Variants in PACS1 observed in about 807,000 individuals in gnomAD.
PACS1 encodes the protein phosphofurin acidic cluster sorting protein 1, also known as PACS-1.
In PACS1, 24 loss-of-function variants were observed where a neutral mutation model predicts 115.0. The ratio of observed to expected loss-of-function variants is 0.21; its 90% CI spans 0.15 to 0.29. PACS1 has a LOEUF of 0.29. Ranked by LOEUF, PACS1 falls within the 10% of genes least tolerant of loss-of-function variation. The pLI is 1.00. For synonymous variants in PACS1, 453 were observed against 504.5 expected, an observed-to-expected ratio of 0.90 and a Z score of 1.37; for missense variants, 838 against 1,251.2, an observed-to-expected ratio of 0.67 and a Z score of 4.98.
At chr11:66,202,224 G>A (rs1337134228) in intron 2 of PACS1, among the ~76,000 whole-genome samples, 1 of 152,098 alleles carries the variant, frequency 6.6e-6, no homozygotes, top group Non-Finnish European at 1.5e-5. Context: ...AACAAAAAAT[G>A]AGCTAGATGC....
intron 1 of PACS1, among the ~76,000 whole-genome samples, chr11:66,081,679 C>T (rs1246954166): frequency 1.3e-5 from 2 of 152,156 alleles, no homozygotes; most frequent in East Asian, 1.9e-4. Context: ...GTACAGGCCC[C>T]GCCTGCAAAC....
At chr11:66,164,206 T>C (rs1231041543) in intron 1 of PACS1, among the ~76,000 whole-genome samples, 1 of 152,224 alleles carries the variant, frequency 6.6e-6, no homozygotes, top group Non-Finnish European at 1.5e-5. Flanking sequence ...TGGGTATTAC[T>C]GTGCAGCTTT....
At chr11:66,090,271 CTTTTTTTTTTT>C (rs930565654) in intron 1 of PACS1, among the ~76,000 whole-genome samples, 19 of 109,444 alleles carry the variant, frequency 1.7e-4, no homozygotes, top group Admixed American at 3.1e-4. Flanking sequence ...TCTTTCCTTT[CTTTTTTTTTTT>C]TTTTTTTTCA....
Position 66,190,284 on chromosome 11 carries a change from C to T in PACS1, c.357-3202C>T, listed in dbSNP as rs559415827. ...GATTTTGGCAAGCCTCAGATGAGGACGAACGTTGGGCATATTCAGTCTTTT... is the reference window on the plus strand; with the variant it reads ...GATTTTGGCAAGCCTCAGATGAGGATGAACGTTGGGCATATTCAGTCTTTT... On this transcript the variant is annotated intron_variant, in intron 1 of 23. Transcript: ENST00000320580. Among the ~76,000 whole-genome samples the T allele has an allele frequency of 1.8e-4, 28 of 152,204 alleles. No individual in the cohort carries two copies. The East Asian group carries it at 2.7e-3, about 15-fold the overall frequency.
Position 66,233,087 on chromosome 11 carries a change from TCTC to T in PACS1, c.1838+24_1838+26del, listed in dbSNP as rs1304540273. On this transcript the variant is annotated intron_variant, in intron 15 of 23. Coordinates refer to ENST00000320580, the MANE Select transcript of PACS1 (RefSeq NM_018026.4). This position sits in a 1 kb window ranked among gnomAD's most constrained non-coding sequence, Gnocchi z 4.5. ...CGCTAGTAAGGGCTCTGGCCTCCCTTCTCCTGCCCTTAGAGATTCCCTCTGACC... is the reference window on the plus strand; with the variant it reads ...CGCTAGTAAGGGCTCTGGCCTCCCTTCTGCCCTTAGAGATTCCCTCTGACC... The T allele has an allele frequency of 1.9e-6, 3 of 1,539,576 alleles. No homozygotes were observed. In the Admixed American group the frequency reaches 5.0e-5, roughly 26 times the overall value.
At chr11:66,213,850 G>T (rs534875675) in intron 4 of PACS1, among the ~76,000 whole-genome samples, 3 of 151,962 alleles carry the variant, frequency 2.0e-5, no homozygotes, top group Non-Finnish European at 4.4e-5. Context: ...TGGCTAACAC[G>T]GTGAAACCCC....
chr11:66,134,264 T>C (rs1306306762), intron 1 of PACS1, among the ~76,000 whole-genome samples: 1 of 118,654 alleles, frequency 8.4e-6, no homozygotes, highest in East Asian at 2.3e-4. Context: ...CTTTTTTTTT[T>C]TTTTTTTTTT....
chr11:66,216,479 C>T, intron 5 of PACS1, 41 bp from the exon 6 acceptor site: 2 of 1,559,542 alleles, frequency 1.3e-6, no homozygotes, highest in East Asian at 2.2e-5. Flanking sequence ...TAGGCCAGAT[C>T]TTCCCATTGC....
intron 10 of PACS1, among the ~76,000 whole-genome samples, chr11:66,226,465 A>G (rs945863289): frequency 1.3e-5 from 2 of 152,156 alleles, no homozygotes; most frequent in Non-Finnish European, 2.9e-5. Flanking sequence ...ACCAGCACCT[A>G]GTGAGTAGAG....
intron 2 of PACS1, among the ~76,000 whole-genome samples, chr11:66,202,180 A>C (rs1460781163): frequency 1.3e-5 from 2 of 152,230 alleles, no homozygotes; most frequent in Non-Finnish European, 2.9e-5. Flanking sequence ...CCAAGATTGA[A>C]CCATGAAGAA....
chr11:66,210,574 A>G (rs1855047101), intron 3 of PACS1, 123 bp downstream of exon 3: 3 of 756,230 alleles, frequency 4.0e-6, no homozygotes, highest in Non-Finnish European at 4.6e-6. Context: ...AGGAATGAAT[A>G]AAAGTCACCT....
At chr11:66,128,384 A>G (rs182736506) in intron 1 of PACS1, among the ~76,000 whole-genome samples, 72 of 152,356 alleles carry the variant, frequency 4.7e-4, no homozygotes, top group African/African-American at 1.5e-3. Context: ...AGAGACATAC[A>G]TATTGAAATA....
At chr11:66,232,810 C>T (rs571862622) in intron 14 of PACS1, 150 bp from the exon 15 acceptor site, 202 of 659,654 alleles carry the variant, frequency 3.1e-4, no homozygotes, top group Middle Eastern at 2.5e-3. Context: ...ACTGGCAGTC[C>T]GGAGACCTGG....
intron 17 of PACS1, among the ~76,000 whole-genome samples, chr11:66,234,912 G>A (rs1352514754): frequency 6.6e-6 from 1 of 152,126 alleles, no homozygotes; most frequent in East Asian, 1.9e-4. Flanking sequence ...AAAGGTGGCA[G>A]GGATCAGAAA....
At chr11:66,118,202 A>G (rs935274148) in intron 1 of PACS1, among the ~76,000 whole-genome samples, 4 of 152,250 alleles carry the variant, frequency 2.6e-5, no homozygotes, top group African/African-American at 9.6e-5. Flanking sequence ...TAAACAGCAT[A>G]GATGGTTAAC....
chr11:66,208,779 G>A (rs1345863148), intron 2 of PACS1, among the ~76,000 whole-genome samples: 1 of 151,870 alleles, frequency 6.6e-6, no homozygotes, highest in African/African-American at 2.4e-5. Flanking sequence ...TAAAAATCAT[G>A]CCCTTAGAAT....
chr11:66,219,540 C>T (rs769695934), intron 7 of PACS1: 22 of 687,246 alleles, frequency 3.2e-5, no homozygotes, highest in African/African-American at 1.9e-4. Flanking sequence ...TCCTTCTCCC[C>T]GCAGCTGCAC....
At chr11:66,153,111 T>C (rs1291381503) in intron 1 of PACS1, among the ~76,000 whole-genome samples, 1 of 152,188 alleles carries the variant, frequency 6.6e-6, no homozygotes, top group Non-Finnish European at 1.5e-5. Context: ...CTCTAATTTC[T>C]TTAAGATACA....
At chr11:66,078,977 G>A (rs780517110) in intron 1 of PACS1, among the ~76,000 whole-genome samples, 6 of 152,006 alleles carry the variant, frequency 3.9e-5, no homozygotes, top group Non-Finnish European at 8.8e-5. Flanking sequence ...GCGCTATCTT[G>A]GCTCACTGCA....
Sources: allele counts gnomAD v4.1 joint callset (sites outside exome capture counted in the v4.1 genomes callset), GRCh38; gene constraint gnomAD v4.1.1; non-coding constraint Gnocchi (gnomAD v3.1); transcripts MANE v1.5; gene names NCBI Gene and HGNC (gene_info 2026-07-23, HGNC 2026-07-21).